Variants in IGSF10 observed in about 807,000 individuals in gnomAD.
IGSF10 encodes the protein calvaria mechanical force protein 608.
A neutral mutation model predicts 128.2 loss-of-function variants in IGSF10; 126 were observed. The observed-to-expected ratio is 0.98, with a 90% CI of 0.85 to 1.14. The LOEUF is 1.14. Among genes scored for constraint, IGSF10 ranks in the 50% most tolerant of loss-of-function variants. The pLI, the probability that IGSF10 is intolerant of heterozygous loss-of-function variation, is 0.00. For missense variants in IGSF10, 3,295 were observed against 3,149.8 expected, an observed-to-expected ratio of 1.05 and a Z score of -1.10; for synonymous variants, 1,185 against 1,146.2, an observed-to-expected ratio of 1.03 and a Z score of -0.68.
At chr3:151,547,459 C>T in the IGSF10 span, among the ~76,000 whole-genome samples, 7 of 150,246 alleles carry the variant, frequency 4.7e-5, no homozygotes, top group African/African-American at 1.7e-4. Flanking sequence ...CACACACACA[C>T]GTTATTCAAA....
the IGSF10 span, among the ~76,000 whole-genome samples, chr3:151,483,739 G>A: frequency 2.6e-5 from 4 of 152,156 alleles, no homozygotes; most frequent in Admixed American, 6.5e-5. Context: ...GCCAAGGGAA[G>A]CCATTAGGGA....
At chr3:151,518,168 A>T in the IGSF10 span, among the ~76,000 whole-genome samples, 32 of 152,134 alleles carry the variant, frequency 2.1e-4, no homozygotes, top group African/African-American at 7.2e-4. Context: ...TGGAGTTTAT[A>T]CAGACTGTAG....
chr3:151,555,856 T>G, the IGSF10 span, among the ~76,000 whole-genome samples: 1 of 152,168 alleles, frequency 6.6e-6, no homozygotes, highest in East Asian at 1.9e-4. Flanking sequence ...GATAAATGAC[T>G]CTAGTCCTTG....
In IGSF10 at chr3:151,448,086, A is replaced by G; in HGVS notation, c.1895T>C (p.Ile632Thr). 6.2e-7 allele frequency: 1 copy of G among 1,614,154 alleles called. No homozygotes were observed. The highest frequency in any genetic ancestry group is 8.5e-7 in the Non-Finnish European group (1 of 1,180,026). ...KKVLNNGTLRILQVTPKDQGY... is the reference protein window; with the variant it reads ...KKVLNNGTLRTLQVTPKDQGY... ...TTGGTCTTTCGGGGTGACCTGTAATATTCTTAATGTGCCATTGTTTAGAAC... is the reference window on the plus strand; with the variant it reads ...TTGGTCTTTCGGGGTGACCTGTAATGTTCTTAATGTGCCATTGTTTAGAAC... The change falls in exon 6 of 8, where the codon ATA becomes ACA. Residue 632 changes from isoleucine to threonine, a missense_variant. Physicochemically the swap from Ile to Thr is moderately conservative, Grantham distance 89. Transcript: ENST00000282466.
the IGSF10 span, among the ~76,000 whole-genome samples, chr3:151,500,136 C>T: frequency 1.3e-5 from 2 of 152,078 alleles, no homozygotes; most frequent in South Asian, 4.1e-4. Flanking sequence ...AGGAATAGCA[C>T]CTTGGTAGCT....
chr3:151,578,951 C>A, the IGSF10 span, among the ~76,000 whole-genome samples: 1 of 152,140 alleles, frequency 6.6e-6, no homozygotes, highest in African/African-American at 2.4e-5. Context: ...TTTCCACCTA[C>A]TACTACCACG....
chr3:151,564,296 A>G, the IGSF10 span, among the ~76,000 whole-genome samples: 2 of 152,124 alleles, frequency 1.3e-5, no homozygotes, highest in African/African-American at 2.4e-5. Context: ...GCATCAGTAC[A>G]CACATTCAAT....
the IGSF10 span, among the ~76,000 whole-genome samples, chr3:151,613,220 A>C: frequency 6.6e-6 from 1 of 152,248 alleles, no homozygotes; most frequent in Non-Finnish European, 1.5e-5. Context: ...GGTAGGAAGA[A>C]TCAATATCGT....
At chr3:151,480,585 A>C in the IGSF10 span, among the ~76,000 whole-genome samples, 5 of 152,090 alleles carry the variant, frequency 3.3e-5, no homozygotes, top group South Asian at 1.0e-3. Context: ...AGTGCATGCT[A>C]TTCCAGTGGC....
chr3:151,461,521 T>C (rs1315680322), upstream of IGSF10: 10 of 693,408 alleles, frequency 1.4e-5, no homozygotes, highest in Non-Finnish European at 1.8e-5. Flanking sequence ...ATGGGCTATA[T>C]ACAGATAGTA....
At chr3:151,583,604 A>G in the IGSF10 span, among the ~76,000 whole-genome samples, 1 of 152,220 alleles carries the variant, frequency 6.6e-6, no homozygotes, top group East Asian at 1.9e-4. Flanking sequence ...GAGGGATAGC[A>G]TTAGGAGATA....
chr3:151,466,978 G>C, the IGSF10 span, among the ~76,000 whole-genome samples: 1 of 152,108 alleles, frequency 6.6e-6, no homozygotes, highest in African/African-American at 2.4e-5. Flanking sequence ...GTGTATTTGT[G>C]AGGCATATTG....
the IGSF10 span, among the ~76,000 whole-genome samples, chr3:151,605,794 C>T: frequency 4.0e-3 from 614 of 152,242 alleles, 2 homozygotes; most frequent in Admixed American, 6.4e-3. Flanking sequence ...GACAGATAAC[C>T]AGCTTATTCC....
chr3:151,493,200 T>C, the IGSF10 span, among the ~76,000 whole-genome samples: 1 of 152,156 alleles, frequency 6.6e-6, no homozygotes. Context: ...ATATGTAGAA[T>C]GAACAAGTGA....
chr3:151,530,025 T>C, the IGSF10 span, among the ~76,000 whole-genome samples: 4 of 151,818 alleles, frequency 2.6e-5, no homozygotes, highest in East Asian at 7.8e-4. Flanking sequence ...AATGACCTGA[T>C]GGAGCTGAAA....
At chr3:151,462,444 C>T (rs1722097127), upstream of IGSF10, among the ~76,000 whole-genome samples, 1 of 152,220 alleles carries the variant, frequency 6.6e-6, no homozygotes. Flanking sequence ...AGTGAAATAA[C>T]TTCTGAAAAA....
the IGSF10 span, among the ~76,000 whole-genome samples, chr3:151,506,197 C>T: frequency 6.6e-6 from 1 of 152,286 alleles, no homozygotes; most frequent in South Asian, 2.1e-4. Context: ...TCATGTGCCA[C>T]CCACCTTGGC....
the IGSF10 span, among the ~76,000 whole-genome samples, chr3:151,600,517 C>G: frequency 2.0e-5 from 3 of 151,958 alleles, no homozygotes; most frequent in Non-Finnish European, 4.4e-5. Flanking sequence ...TTTTCTTATT[C>G]TTATTAAAAG....
chr3:151,501,522 G>A, the IGSF10 span, among the ~76,000 whole-genome samples: 2 of 152,086 alleles, frequency 1.3e-5, no homozygotes, highest in Non-Finnish European at 2.9e-5. Context: ...TTAGTCATCA[G>A]TATATGGATT....
Sources: gnomAD v4.1 joint callset for allele counts (sites outside exome capture counted in the v4.1 genomes callset) on GRCh38, gnomAD v4.1.1 for gene constraint, MANE v1.5 for transcripts, NCBI Gene and HGNC (gene_info 2026-07-23, HGNC 2026-07-21) for gene names.